Variants in PUM1 observed in about 807,000 individuals in gnomAD.
PUM1 encodes the protein pumilio homolog 1.
Under a neutral mutation model 131.8 loss-of-function variants are expected in PUM1, and 13 were observed. The ratio of observed to expected loss-of-function variants is 0.10; its 90% confidence interval spans 0.06 to 0.16. PUM1 has a LOEUF of 0.16. PUM1 is among the 10% of genes least tolerant of loss of function. The pLI, the probability that PUM1 is intolerant of heterozygous loss-of-function variation, is 1.00. For missense variants in PUM1, 961 were observed against 1,512.4 expected, an observed-to-expected ratio of 0.64 and a Z score of 6.05; for synonymous variants, 509 against 556.5, an observed-to-expected ratio of 0.91 and a Z score of 1.20.
chr1:31,006,451 G>A (rs1181429399), intron 4 of PUM1, among the ~76,000 whole-genome samples: 2 of 151,906 alleles, frequency 1.3e-5, no homozygotes, highest in African/African-American at 2.4e-5. Flanking sequence ...TGTAATACAC[G>A]ACATTGGCTT....
chr1:30,943,014 C>T (rs1639522747), intron 18 of PUM1, among the ~76,000 whole-genome samples: 1 of 152,170 alleles, frequency 6.6e-6, no homozygotes, highest in Admixed American at 6.5e-5. Context: ...CCTTGGCCTC[C>T]CAAAGTGCCT....
chr1:31,038,985 T>TATATATATATATATATA (rs879343889), intron 2 of PUM1, among the ~76,000 whole-genome samples: 123 of 32,914 alleles, frequency 3.7e-3, no homozygotes, highest in African/African-American at 5.1e-3. Context: ...TATATATATA[T>TATATATATATATATATA]TTTTTTTTTT....
At chr1:30,986,098 G>A (rs1388384770) in intron 7 of PUM1, among the ~76,000 whole-genome samples, 1 of 152,142 alleles carries the variant, frequency 6.6e-6, no homozygotes, top group East Asian at 1.9e-4. Context: ...GGGATTACAG[G>A]CTTGCGCCAC....
chr1:30,962,458 G>A (rs1006768763), intron 14 of PUM1, among the ~76,000 whole-genome samples: 6 of 152,078 alleles, frequency 3.9e-5, no homozygotes, highest in Admixed American at 1.3e-4. Context: ...TGTTGCTCAG[G>A]CTGGAGCGCA....
At chr1:30,995,590 G>T (rs1213629436) in intron 5 of PUM1, among the ~76,000 whole-genome samples, 1 of 150,772 alleles carries the variant, frequency 6.6e-6, no homozygotes, top group Admixed American at 6.6e-5. Flanking sequence ...CTGTATAATA[G>T]CATGACTCTT....
At chr1:30,944,685 C>T (rs1214580414) in intron 18 of PUM1, among the ~76,000 whole-genome samples, 1 of 152,142 alleles carries the variant, frequency 6.6e-6, no homozygotes. Flanking sequence ...ACATTAGTAC[C>T]GTAAATTACC....
chr1:30,975,439 C>T (rs1641096209), intron 9 of PUM1, among the ~76,000 whole-genome samples: 1 of 151,854 alleles, frequency 6.6e-6, no homozygotes, highest in South Asian at 2.1e-4. Flanking sequence ...CAACCCTGAC[C>T]TCCCCGGCTT....
intron 3 of PUM1, among the ~76,000 whole-genome samples, chr1:31,007,969 C>T (rs1359844249): frequency 6.6e-6 from 1 of 152,220 alleles, no homozygotes; most frequent in Non-Finnish European, 1.5e-5. Context: ...GCTTTACTGA[C>T]TAAAATGCCC....
At chr1:30,969,327 AAAAAAAAAAG>A (rs1272284166) in intron 10 of PUM1, among the ~76,000 whole-genome samples, 37 of 148,024 alleles carry the variant, frequency 2.5e-4, no homozygotes, top group Admixed American at 1.6e-3. Flanking sequence ...AAAAAAAAAA[AAAAAAAAAAG>A]AAAAAAAAAG....
At chr1:31,054,535 TA>T (rs555867693) in intron 2 of PUM1, among the ~76,000 whole-genome samples, 1,108 of 83,390 alleles carry the variant, frequency 0.013, 8 homozygotes, top group Non-Finnish European at 0.019. Flanking sequence ...AAAGGGCCAC[TA>T]AAAAAAAAAA....
intron 15 of PUM1, among the ~76,000 whole-genome samples, chr1:30,952,867 T>G (rs1640005077): frequency 6.6e-6 from 1 of 151,884 alleles, no homozygotes; most frequent in Non-Finnish European, 1.5e-5. Flanking sequence ...CATCAGCTAC[T>G]CGGGAGGCTG....
chr1:30,942,208 T>C (rs1205414530), intron 18 of PUM1, 85 bp from the exon 19 acceptor site: 4 of 95,660 alleles, frequency 4.2e-5, no homozygotes, highest in South Asian at 7.5e-4. Context: ...TATATATATA[T>C]ATATATATAT....
chr1:31,024,062 T>G (rs917138795), intron 3 of PUM1, among the ~76,000 whole-genome samples: 42 of 152,294 alleles, frequency 2.8e-4, no homozygotes, highest in African/African-American at 9.6e-4. Context: ...CTTTTCTATC[T>G]TTTTAAAGAG....
chr1:30,997,390 C>T lies in PUM1; in HGVS notation c.721-2170G>A, dbSNP rs150283353. 3.4e-4 allele frequency among the ~76,000 whole-genome samples: 51 copies of T among 151,872 alleles called. No homozygotes were observed. In the East Asian group the frequency reaches 7.2e-3, roughly 21 times the overall value. ...GGCAGCACCTGAAATCCCAGCTACT[C>T]GGGAGGCTGAGGCAGGACAATCGCT... On this transcript the variant is annotated intron_variant, in intron 5 of 21. Transcript: ENST00000426105.
intron 2 of PUM1, among the ~76,000 whole-genome samples, chr1:31,038,653 G>T (rs539154964): frequency 1.3e-5 from 2 of 152,142 alleles, no homozygotes; most frequent in East Asian, 3.9e-4. Context: ...TCTTTAAGAT[G>T]ATTCTTATCC....
chr1:31,024,853 CA>C (rs1643166120), intron 3 of PUM1, among the ~76,000 whole-genome samples: 1 of 152,092 alleles, frequency 6.6e-6, no homozygotes. Flanking sequence ...GATCATAAAC[CA>C]AACCAATTTA....
Position 30,966,110 on chromosome 1 carries a change from C to A in PUM1, c.1958G>T (p.Ser653Ile), listed in dbSNP as rs374835362. ...SSFYGNNSLN[S>I]NSQSSSLFSQ... ...GAAGAGGGAGCTGCTCTGTGAATTG[C>A]TGTTCAGAGAGTTGTTGCCGTAGAA... The change falls in exon 13 of 22, where the codon AGC becomes ATC. Residue 653 changes from serine (S) to isoleucine (I), a missense_variant. Ser to Ile is a moderately radical substitution (Grantham distance 142, BLOSUM62 -2). Around this residue, in one of 4 missense-constraint regions of PUM1, gnomAD observed 654 missense variants for 923.9 expected, o/e 0.71. Transcript: ENST00000426105. 1 of 1,614,040 alleles carries A rather than the reference C, an allele frequency of 6.2e-7. No homozygotes were observed. The highest frequency in any genetic ancestry group is 8.5e-7 in the Non-Finnish European group (1 of 1,180,034).
intron 3 of PUM1, among the ~76,000 whole-genome samples, chr1:31,007,551 A>C (rs888308092): frequency 6.6e-6 from 1 of 152,228 alleles, no homozygotes; most frequent in Non-Finnish European, 1.5e-5. Context: ...ACCAGCTATG[A>C]ACCTCAGCTA....
intron 7 of PUM1, among the ~76,000 whole-genome samples, chr1:30,989,859 G>C (rs920028579): frequency 3.3e-5 from 5 of 152,202 alleles, no homozygotes; most frequent in Non-Finnish European, 2.9e-5. Context: ...TGTATCTGTA[G>C]AACACAAATC....
Sources: gnomAD v4.1 joint callset for allele counts (sites outside exome capture counted in the v4.1 genomes callset) on GRCh38, gnomAD v4.1.1 for gene constraint, gnomAD v4.1.1 regional missense constraint, MANE v1.5 for transcripts, NCBI Gene and HGNC (gene_info 2026-07-23, HGNC 2026-07-21) for gene names.